The following FBXO25 variants were observed in gnomAD, a reference collection of about 807,000 sequenced individuals.
The protein encoded by FBXO25 is F-box only protein 25.
A neutral mutation model predicts 51.9 loss-of-function variants in FBXO25; 45 were observed. That is an observed-to-expected ratio of 0.87 (90% CI 0.68 to 1.11). The LOEUF (loss-of-function observed/expected upper bound fraction) is 1.11. Among genes scored for constraint, FBXO25 ranks in the 50% most tolerant of loss-of-function variants. The probability of loss-of-function intolerance (pLI) is 0.00; values close to 1 mark genes in which losing one functional copy is unlikely to be tolerated. For missense variants in FBXO25, 507 were observed against 428.5 expected, an observed-to-expected ratio of 1.18 and a Z score of -1.62; for synonymous variants, 199 against 151.0, an observed-to-expected ratio of 1.32 and a Z score of -2.33.
rs3735923 is a variant in FBXO25, at chr8:463,288, A to C, written c.987+138A>C. On this transcript the variant is annotated intron_variant, in intron 9 of 9. Transcript: ENST00000350302. Reference sequence around the variant, plus strand: ...TAAGTTAAGGAGATATATTTTACCAAATATTGGGGTAGGGGAACAGATGTT... The same window carrying C: ...TAAGTTAAGGAGATATATTTTACCACATATTGGGGTAGGGGAACAGATGTT... 2.6e-5 allele frequency: 25 copies of C among 975,868 alleles called. No homozygotes were observed. In the African/African-American group the frequency reaches 3.5e-4, roughly 14 times the overall value. The allele number at this position is 975,868 out of a possible 1,614,324, so 60.5% of individuals were successfully genotyped here.
In FBXO25 at chr8:432,869, G is replaced by C; in HGVS notation, c.239-17G>C. The C allele has an allele frequency of 6.5e-7, 1 of 1,532,664 alleles. No homozygotes were observed. Among genetic ancestry groups the C allele is most frequent in the Non-Finnish European group, 8.7e-7 (1 of 1,145,208 alleles). 94.9% of individuals were successfully genotyped at this position (1,532,664 alleles called of 1,614,324 possible). On this transcript the variant is annotated splice_polypyrimidine_tract_variant and intron_variant, in intron 3 of 9. Transcript: ENST00000350302. The stretch of plus-strand genomic sequence containing the variant: ...TGATTTGCCAGATTTTAAAAACAAA[G>C]GTAATTTTTATTCTAGGTTTTTATC...
At position 471,136 on chromosome 8, in the gene FBXO25, G is replaced by A. The variant is rs1223927629; in HGVS notation, c.*2332G>A. The A allele has an allele frequency of 6.6e-6, 1 of 152,172 alleles. No homozygotes were observed. Among genetic ancestry groups the A allele is most frequent in the Non-Finnish European group, 1.5e-5 (1 of 68,042 alleles). 9.4% of individuals were successfully genotyped at this position (152,172 alleles called of 1,614,324 possible). On this transcript the variant is annotated 3_prime_UTR_variant, in exon 10 of 10. Transcript: ENST00000350302. ...AGTGTAGGATTCCAGCTGTTCTGCTGGGCTGGCATATTTCCACAGGCCATG... is the reference window on the plus strand; with the variant it reads ...AGTGTAGGATTCCAGCTGTTCTGCTAGGCTGGCATATTTCCACAGGCCATG...
At chr8:415,590 C>G (rs1295268386) in intron 2 of FBXO25, among the ~76,000 whole-genome samples, 1 of 152,134 alleles carries the variant, frequency 6.6e-6, no homozygotes, top group Non-Finnish European at 1.5e-5. Context: ...ATGTTGAGTG[C>G]TGCCTATGGT....
Position 431,423 on chromosome 8 carries a change from A to G in FBXO25, c.217A>G (p.Arg73Gly). 2 of 1,533,608 alleles carry G rather than the reference A, an allele frequency of 1.3e-6. No homozygotes were observed. Among genetic ancestry groups the G allele is most frequent in the Non-Finnish European group, 1.8e-6 (2 of 1,135,168 alleles). Reference protein sequence around the residue: ...ASKKRKKDHFRNDTNTQSFYR... With the variant: ...ASKKRKKDHFGNDTNTQSFYR... ...GAAAAAAAGGAAAAAGGACCATTTT[A>G]GAAATGACACAAATACTCAAAGTAA... The change falls in exon 3 of 10, where the codon AGA becomes GGA. Residue 73 changes from arginine (R) to glycine (G), a missense_variant. Coordinates refer to ENST00000350302, the MANE Select transcript of FBXO25 (RefSeq NM_183420.2).
intron 5 of FBXO25, among the ~76,000 whole-genome samples, chr8:437,290 C>G (rs550071278): frequency 6.6e-5 from 10 of 152,354 alleles, no homozygotes; most frequent in African/African-American, 1.2e-4. Flanking sequence ...TTGCAACCCT[C>G]TTGAGAAGGG....
chr8:420,324 T>C (rs1167163764), intron 2 of FBXO25: 1 of 152,194 alleles, frequency 6.6e-6, no homozygotes, highest in Non-Finnish European at 1.5e-5. Context: ...GGCAGGAATA[T>C]GCTCTCCAAC....
intron 2 of FBXO25, among the ~76,000 whole-genome samples, chr8:421,482 G>A (rs568542999): frequency 6.6e-6 from 1 of 152,320 alleles, no homozygotes; most frequent in South Asian, 2.1e-4. Flanking sequence ...AGGGGCATGG[G>A]TTAGCAATCT....
chr8:413,756 C>T (rs535723176), intron 2 of FBXO25, among the ~76,000 whole-genome samples: 1 of 152,318 alleles, frequency 6.6e-6, no homozygotes, highest in South Asian at 2.1e-4. Flanking sequence ...TGAGACACGA[C>T]CTGTGTTTCA....
chr8:443,981 C>G (rs1798585141), intron 5 of FBXO25, among the ~76,000 whole-genome samples: 1 of 152,142 alleles, frequency 6.6e-6, no homozygotes, highest in Non-Finnish European at 1.5e-5. Context: ...CAGGTCTGGC[C>G]CCTCCCTCCT....
intron 9 of FBXO25, chr8:468,022 G>A (rs1290102057): frequency 1.5e-6 from 2 of 1,301,540 alleles, no homozygotes; most frequent in African/African-American, 3.0e-5. Context: ...ACCTGGTTTG[G>A]CAGCACTGCC....
rs4045404 is a variant in FBXO25, at chr8:446,718, G to C, written c.382-3272G>C. On this transcript the variant is annotated intron_variant, in intron 5 of 9. Transcript: ENST00000350302. The stretch of plus-strand genomic sequence containing the variant: ...TTCTCAGCTTTGCTTGGCCTAACCT[G>C]ATCTTATCTCTGGCCAGTGCCCTCA... Among the ~76,000 whole-genome samples the C allele has an allele frequency of 9.8e-5, 15 of 152,342 alleles. No individual in the cohort carries two copies. In the South Asian group the frequency reaches 2.9e-3, roughly 29 times the overall value.
chr8:413,731 G>A (rs1796628621), intron 2 of FBXO25, among the ~76,000 whole-genome samples: 1 of 152,176 alleles, frequency 6.6e-6, no homozygotes, highest in Non-Finnish European at 1.5e-5. Context: ...CAGGCCGAAG[G>A]GTAGGTGGGG....
chr8:442,063 T>C (rs1798458118), intron 5 of FBXO25, among the ~76,000 whole-genome samples: 2 of 152,180 alleles, frequency 1.3e-5, no homozygotes, highest in South Asian at 4.1e-4. Flanking sequence ...GTTTTTAAAA[T>C]TTCAGATCAT....
At chr8:458,987 C>T (rs1034650068) in intron 8 of FBXO25, among the ~76,000 whole-genome samples, 1 of 152,152 alleles carries the variant, frequency 6.6e-6, no homozygotes, top group African/African-American at 2.4e-5. Context: ...ACAGCCCCTC[C>T]CCCCTGCCTT....
At chr8:434,519 C>T (rs1372165723) in intron 4 of FBXO25, among the ~76,000 whole-genome samples, 1 of 152,074 alleles carries the variant, frequency 6.6e-6, no homozygotes, top group Non-Finnish European at 1.5e-5. Flanking sequence ...GTTGTGCACC[C>T]GTCAGGGCGA....
chr8:447,261 A>G (rs1282350460), intron 5 of FBXO25, among the ~76,000 whole-genome samples: 1 of 152,090 alleles, frequency 6.6e-6, no homozygotes, highest in Non-Finnish European at 1.5e-5. Context: ...ACATACATGC[A>G]GGTAGCGGCT....
At chr8:426,617 T>C (rs1438613799) in intron 2 of FBXO25, among the ~76,000 whole-genome samples, 305 of 149,290 alleles carry the variant, frequency 2.0e-3, no homozygotes, top group African/African-American at 7.5e-3. Flanking sequence ...GTGTACCCTG[T>C]GCACAGAGTG....
rs1029727354 is a variant in FBXO25, at chr8:469,714, T to C, written c.*910T>C. ...ATCAGTCCCACCACCCAAAGATTAT[T>C]GTGCATGCTGAAAAGAGTATGAAAA... On this transcript the variant is annotated 3_prime_UTR_variant, in exon 10 of 10. Coordinates refer to ENST00000350302, the MANE Select transcript of FBXO25 (RefSeq NM_183420.2). 12 of 152,312 alleles carry C rather than the reference T, an allele frequency of 7.9e-5. 1 individual carries two copies. The highest frequency in any genetic ancestry group is 4.6e-4 in the Admixed American group (7 of 15,298). 9.4% of individuals were successfully genotyped at this position (152,312 alleles called of 1,614,324 possible).
At position 457,519 on chromosome 8, in the gene FBXO25, A is replaced by G. The variant is rs117312181; in HGVS notation, c.661-850A>G. Among the ~76,000 whole-genome samples the G allele has an allele frequency of 8.9e-3, 1,357 of 152,326 alleles. 11 individuals carry two copies. The highest frequency in any genetic ancestry group is 0.014 in the Middle Eastern group (4 of 294). On this transcript the variant is annotated intron_variant, in intron 7 of 9. Transcript: ENST00000350302. ...AGAAATGGTTTGTAAACTTGAAGTCATAGAAATGTAAAGCTGGAAGGTGGG... is the reference window on the plus strand; with the variant it reads ...AGAAATGGTTTGTAAACTTGAAGTCGTAGAAATGTAAAGCTGGAAGGTGGG...
Sources: gnomAD v4.1 joint callset for allele counts (sites outside exome capture counted in the v4.1 genomes callset) on GRCh38, gnomAD v4.1.1 for gene constraint, MANE v1.5 for transcripts, NCBI Gene and HGNC (gene_info 2026-07-23, HGNC 2026-07-21) for gene names.